KIAA0513: variants seen among roughly 807,000 people sequenced by gnomAD.
KIAA0513 encodes the protein uncharacterized protein KIAA0513.
Under a neutral mutation model 56.5 loss-of-function variants are expected in KIAA0513, and 39 were observed. That is an observed-to-expected ratio of 0.69 (90% CI 0.53 to 0.90). The LOEUF (loss-of-function observed/expected upper bound fraction) is 0.90. Ranked by LOEUF, KIAA0513 falls within the 40% of genes least tolerant of loss-of-function variation. The pLI is 0.00. For synonymous variants in KIAA0513, 268 were observed against 215.6 expected (o/e 1.24, Z -2.13); for missense variants, 591 against 535.2 (o/e 1.10, Z -1.03).
chr16:85,075,763 G>C, intron 4 of KIAA0513, 81 bp from the exon 5 acceptor site: 1 of 1,188,848 alleles, frequency 8.4e-7, no homozygotes, highest in South Asian at 1.2e-5. Flanking sequence ...CATGTGTCAA[G>C]TGTCTCAGTG....
Position 85,067,038 on chromosome 16 carries a change from C to G in KIAA0513, c.-34C>G. ...TGGGCTCCCCTCTAGGCAGCCTCCC[C>G]TCCAGGCAGCCTCACCAGCAGCTCC... On this transcript the variant is annotated 5_prime_UTR_variant, in exon 2 of 13. Transcript: ENST00000683363. 2.0e-6 allele frequency: 3 copies of G among 1,511,602 alleles called. No individual in the cohort carries two copies. The highest frequency in any genetic ancestry group is 1.8e-6 in the Non-Finnish European group (2 of 1,131,062). The allele number at this position is 1,511,602 out of a possible 1,614,324, so 93.6% of individuals were successfully genotyped here. A position where few individuals can be genotyped will look rare whatever the true frequency, so the allele number is the denominator to read the frequency against.
chr16:85,055,337 G>A (rs531557177), intron 1 of KIAA0513, among the ~76,000 whole-genome samples: 3 of 152,308 alleles, frequency 2.0e-5, no homozygotes, highest in East Asian at 3.9e-4. Context: ...TAAGACACAT[G>A]TGATTTCAGA....
intron 11 of KIAA0513, 23 bp downstream of exon 11, chr16:85,086,747 G>T: frequency 6.3e-7 from 1 of 1,594,058 alleles, no homozygotes. Flanking sequence ...GTGGGAAAGC[G>T]GGAGGGGAGA....
intron 1 of KIAA0513, among the ~76,000 whole-genome samples, chr16:85,052,514 C>G (rs747749327): frequency 2.0e-5 from 3 of 152,198 alleles, no homozygotes; most frequent in Non-Finnish European, 1.5e-5. Flanking sequence ...AACCCTGTCT[C>G]AAATCAATCA....
Position 85,037,117 on chromosome 16 carries a change from T to C in KIAA0513, c.-173+9259T>C, listed in dbSNP as rs142240646. On this transcript the variant is annotated intron_variant, in intron 1 of 12. Transcript: ENST00000683363. Reference sequence around the variant, plus strand: ...TTTTTTCTCTTCATGACTAAGTCCATGTAGGAAAGCATGCGCCTGGCAGAC... The same window carrying C: ...TTTTTTCTCTTCATGACTAAGTCCACGTAGGAAAGCATGCGCCTGGCAGAC... Among the ~76,000 whole-genome samples, 4 of 152,168 alleles carry C rather than the reference T, an allele frequency of 2.6e-5. No individual in the cohort carries two copies. In the East Asian group the frequency reaches 5.8e-4, roughly 22 times the overall value.
chr16:85,035,175 C>T (rs961363086), intron 1 of KIAA0513, among the ~76,000 whole-genome samples: 1 of 152,210 alleles, frequency 6.6e-6, no homozygotes, highest in Admixed American at 6.5e-5. Context: ...CTGGGTCTGT[C>T]CCCCATTCCG....
At chr16:85,048,160 C>T (rs1413017920) in intron 1 of KIAA0513, among the ~76,000 whole-genome samples, 1 of 152,184 alleles carries the variant, frequency 6.6e-6, no homozygotes, top group Non-Finnish European at 1.5e-5. Flanking sequence ...GCCTGATATG[C>T]AGGATCCTGT....
chr16:85,040,953 C>T (rs1416870265), intron 1 of KIAA0513, among the ~76,000 whole-genome samples: 2 of 152,188 alleles, frequency 1.3e-5, no homozygotes, highest in Non-Finnish European at 2.9e-5. Flanking sequence ...AAACATCTGC[C>T]AACTCCACCA....
intron 10 of KIAA0513, 144 bp from the exon 11 acceptor site, chr16:85,086,500 C>T (rs1421671421): frequency 4.0e-5 from 30 of 754,272 alleles, no homozygotes; most frequent in Non-Finnish European, 6.4e-5. Flanking sequence ...CAGCACACGG[C>T]TCTCCGGTGG....
intron 1 of KIAA0513, among the ~76,000 whole-genome samples, chr16:85,049,222 C>T (rs2073213818): frequency 6.6e-6 from 1 of 152,242 alleles, no homozygotes; most frequent in Non-Finnish European, 1.5e-5. Context: ...GCAGAAGGCT[C>T]ACTGTGGCCC....
chr16:85,053,730 C>T (rs887396051), intron 1 of KIAA0513, among the ~76,000 whole-genome samples: 6 of 152,078 alleles, frequency 3.9e-5, no homozygotes, highest in Non-Finnish European at 7.4e-5. Flanking sequence ...CGGTGGCTCA[C>T]GCCTATAATC....
chr16:85,058,509 G>A (rs1242893671), intron 1 of KIAA0513, among the ~76,000 whole-genome samples: 7 of 152,066 alleles, frequency 4.6e-5, no homozygotes, highest in East Asian at 3.9e-4. Context: ...AAAATTAGCC[G>A]GGTGGGGTGG....
intron 1 of KIAA0513, among the ~76,000 whole-genome samples, chr16:85,056,228 T>C (rs1334624708): frequency 6.6e-6 from 1 of 152,186 alleles, no homozygotes; most frequent in Non-Finnish European, 1.5e-5. Context: ...TAAACTGCCA[T>C]AGGAGCCATG....
chr16:85,055,710 T>A (rs1385722733), intron 1 of KIAA0513, among the ~76,000 whole-genome samples: 1 of 152,222 alleles, frequency 6.6e-6, no homozygotes, highest in Non-Finnish European at 1.5e-5. Context: ...ATCCGCCACC[T>A]TCTCCTTTTG....
intron 1 of KIAA0513, among the ~76,000 whole-genome samples, chr16:85,047,644 T>G (rs1342588739): frequency 6.6e-6 from 1 of 152,200 alleles, no homozygotes; most frequent in Admixed American, 6.5e-5. Flanking sequence ...CTGTGGAATT[T>G]CCTGGGGACC....
rs1051052408 is a variant in KIAA0513 at position 85,081,909 on chromosome 16, C to T, written c.980+517C>T. Among the ~76,000 whole-genome samples, 2 of 152,244 alleles carry T rather than the reference C, an allele frequency of 1.3e-5. No individual in the cohort carries two copies. The highest frequency in any genetic ancestry group is 4.8e-5 in the African/African-American group (2 of 41,470). ...GTGGCAGAGGGGAGGGGCTGGCACC[C>T]ACCCCACGGGGGCCGATGCCATAGC... On this transcript the variant is annotated intron_variant, in intron 9 of 12. Coordinates refer to ENST00000683363, the MANE Select transcript of KIAA0513 (RefSeq NM_001388359.1). The surrounding 1 kb of genome is among the most constrained non-coding windows in gnomAD (Gnocchi z 4.4).
At chr16:85,054,560 G>C (rs2073301666) in intron 1 of KIAA0513, among the ~76,000 whole-genome samples, 1 of 151,528 alleles carries the variant, frequency 6.6e-6, no homozygotes, top group African/African-American at 2.4e-5. Flanking sequence ...CTCCCAAGTA[G>C]CTGGGATTGC....
chr16:85,078,892 A>C (rs1179476362), intron 7 of KIAA0513, 33 bp from the exon 8 acceptor site: 3 of 1,613,394 alleles, frequency 1.9e-6, no homozygotes, highest in Non-Finnish European at 2.5e-6. Flanking sequence ...GCGCAACCAG[A>C]GCTGCTTTCA....
chr16:85,082,727 G>A (rs887832860), intron 10 of KIAA0513, 134 bp downstream of exon 10: 43 of 869,682 alleles, frequency 4.9e-5, no homozygotes, highest in Admixed American at 3.8e-4. Context: ...CCTGGTGGCC[G>A]GCGGGGAGGG....
Sources: gnomAD v4.1 joint callset for allele counts (sites outside exome capture counted in the v4.1 genomes callset) on GRCh38, gnomAD v4.1.1 for gene constraint, Gnocchi (gnomAD v3.1) non-coding constraint, MANE v1.5 for transcripts, NCBI Gene and HGNC (gene_info 2026-07-23, HGNC 2026-07-21) for gene names.